Variants in GPR39 observed in about 807,000 individuals in gnomAD.
The protein encoded by GPR39 is G protein-coupled receptor 39.
A neutral mutation model predicts 18.4 loss-of-function variants in GPR39; 23 were observed. The observed-to-expected ratio is 1.25, with a 90% CI of 0.90 to 1.77. The LOEUF is 1.77. Ranked by LOEUF, GPR39 falls within the 40% of genes most tolerant of loss-of-function variation. The probability of loss-of-function intolerance (pLI) is 0.00; values close to 1 mark genes in which losing one functional copy is unlikely to be tolerated. For missense variants in GPR39, 647 were observed against 602.4 expected, an observed-to-expected ratio of 1.07 and a Z score of -0.78; for synonymous variants, 280 against 257.9, an observed-to-expected ratio of 1.09 and a Z score of -0.82.
intron 1 of GPR39, among the ~76,000 whole-genome samples, chr2:132,439,171 A>AAAT (rs1680389950): frequency 6.6e-6 from 1 of 152,242 alleles, no homozygotes; most frequent in Non-Finnish European, 1.5e-5. Context: ...AATTTGATTT[A>AAAT]AAGCAGCAGT....
At chr2:132,581,785 C>A (rs920944153) in intron 1 of GPR39, among the ~76,000 whole-genome samples, 6 of 152,274 alleles carry the variant, frequency 3.9e-5, no homozygotes, top group African/African-American at 1.4e-4. Context: ...CTTCAAGAAG[C>A]TTTTATTCAG....
intron 1 of GPR39, among the ~76,000 whole-genome samples, chr2:132,535,515 G>A (rs1558830678): frequency 6.6e-6 from 1 of 152,000 alleles, no homozygotes; most frequent in African/African-American, 2.4e-5. Flanking sequence ...ATATTGGCCT[G>A]AAGTTTTCTT....
chr2:132,570,692 T>C (rs890692941), intron 1 of GPR39, among the ~76,000 whole-genome samples: 2 of 152,190 alleles, frequency 1.3e-5, no homozygotes, highest in African/African-American at 4.8e-5. Context: ...CCAGCCTTCC[T>C]AGCCCTCGGC....
intron 1 of GPR39, among the ~76,000 whole-genome samples, chr2:132,450,542 G>A (rs1680614410): frequency 6.6e-6 from 1 of 152,226 alleles, no homozygotes; most frequent in Non-Finnish European, 1.5e-5. Flanking sequence ...TAAGGTACCA[G>A]AAACAGTGCC....
At chr2:132,633,620 C>T (rs1000738896) in intron 1 of GPR39, among the ~76,000 whole-genome samples, 1 of 152,102 alleles carries the variant, frequency 6.6e-6, no homozygotes, top group Non-Finnish European at 1.5e-5. Flanking sequence ...TCTCTGACCT[C>T]TAGGAGTGGT....
chr2:132,635,541 A>G (rs1013186975), intron 1 of GPR39, among the ~76,000 whole-genome samples: 3 of 152,138 alleles, frequency 2.0e-5, no homozygotes, highest in Non-Finnish European at 4.4e-5. Flanking sequence ...ATAGGGAGGA[A>G]GGAAGAGAGA....
intron 1 of GPR39, among the ~76,000 whole-genome samples, chr2:132,497,731 C>G (rs188273340): frequency 5.9e-5 from 9 of 152,196 alleles, no homozygotes; most frequent in Admixed American, 5.9e-4. Flanking sequence ...CTGAAGCTGC[C>G]CAAGGAAGAA....
At chr2:132,568,288 T>C (rs1014378875) in intron 1 of GPR39, among the ~76,000 whole-genome samples, 2 of 152,070 alleles carry the variant, frequency 1.3e-5, no homozygotes, top group African/African-American at 4.8e-5. Context: ...TTCCTTTTCA[T>C]GGTCTTGGAG....
chr2:132,478,999 C>A (rs576547421), intron 1 of GPR39, among the ~76,000 whole-genome samples: 1 of 151,750 alleles, frequency 6.6e-6, no homozygotes, highest in Admixed American at 6.6e-5. Flanking sequence ...TGAGTTTGGA[C>A]GACTAAAGCA....
chr2:132,606,936 C>A (rs1297644659), intron 1 of GPR39, among the ~76,000 whole-genome samples: 1 of 152,192 alleles, frequency 6.6e-6, no homozygotes, highest in African/African-American at 2.4e-5. Flanking sequence ...AAGCAGAGGA[C>A]CCTGCCACTC....
chr2:132,528,616 G>A (rs1679553944), intron 1 of GPR39, among the ~76,000 whole-genome samples: 2 of 152,134 alleles, frequency 1.3e-5, no homozygotes, highest in Admixed American at 6.5e-5. Context: ...TTCTTGAACA[G>A]TGGTTTGCAG....
intron 1 of GPR39, among the ~76,000 whole-genome samples, chr2:132,446,635 C>G (rs1680542777): frequency 6.6e-6 from 1 of 151,990 alleles, no homozygotes; most frequent in Non-Finnish European, 1.5e-5. Flanking sequence ...GCTGGCAAGG[C>G]TAAGTTTACA....
chr2:132,599,104 G>A (rs59699400), intron 1 of GPR39, among the ~76,000 whole-genome samples: 2,980 of 152,120 alleles, frequency 0.02, 108 homozygotes, highest in African/African-American at 0.065. Flanking sequence ...ACTTTAACCA[G>A]GAGCTCTCAA....
chr2:132,588,031 C>T (rs1479077217), intron 1 of GPR39, among the ~76,000 whole-genome samples: 1 of 152,082 alleles, frequency 6.6e-6, no homozygotes, highest in African/African-American at 2.4e-5. Context: ...ATGGGTATAA[C>T]TCATGGAGTA....
At chr2:132,526,008 G>A (rs1679501007) in intron 1 of GPR39, among the ~76,000 whole-genome samples, 1 of 152,120 alleles carries the variant, frequency 6.6e-6, no homozygotes, top group Non-Finnish European at 1.5e-5. Flanking sequence ...CAGACCAAAT[G>A]TGAGCAAAAA....
At chr2:132,493,936 T>C (rs1681585719) in intron 1 of GPR39, among the ~76,000 whole-genome samples, 1 of 151,992 alleles carries the variant, frequency 6.6e-6, no homozygotes, top group Non-Finnish European at 1.5e-5. Flanking sequence ...TCAATAGTAA[T>C]AAATACACCA....
At chr2:132,580,960 C>CAAAA (rs538565776) in intron 1 of GPR39, among the ~76,000 whole-genome samples, 83 of 55,150 alleles carry the variant, frequency 1.5e-3, no homozygotes, top group African/African-American at 4.4e-3. Context: ...GACTCTGTCT[C>CAAAA]AAAAAAAAAA....
chr2:132,572,048 A>G (rs978558530), intron 1 of GPR39, among the ~76,000 whole-genome samples: 4 of 152,162 alleles, frequency 2.6e-5, no homozygotes, highest in Non-Finnish European at 5.9e-5. Flanking sequence ...GGACTCTCCC[A>G]GTGAAATGAC....
chr2:132,605,456 T>C (rs958317092), intron 1 of GPR39, among the ~76,000 whole-genome samples: 1 of 151,952 alleles, frequency 6.6e-6, no homozygotes, highest in Non-Finnish European at 1.5e-5. Flanking sequence ...GAACATCTCA[T>C]TGATGGCCCC....
Sources: gnomAD v4.1 joint callset for allele counts (sites outside exome capture counted in the v4.1 genomes callset) on GRCh38, gnomAD v4.1.1 for gene constraint, MANE v1.5 for transcripts, NCBI Gene and HGNC (gene_info 2026-07-23, HGNC 2026-07-21) for gene names.